The following MYO16 variants were observed in gnomAD, a reference collection of about 807,000 sequenced individuals.
The protein encoded by MYO16 is myosin XVI.
In MYO16, 94 loss-of-function variants were observed where a neutral mutation model predicts 205.3. That is an observed-to-expected ratio of 0.46 (90% CI 0.39 to 0.54). The LOEUF (loss-of-function observed/expected upper bound fraction) is 0.54, where lower values mean the gene tolerates loss of function less well. Among genes scored for constraint, MYO16 ranks in the 20% least tolerant of loss-of-function variants. The pLI is 0.00. For synonymous variants in MYO16, 988 were observed against 954.0 expected, an observed-to-expected ratio of 1.04 and a Z score of -0.66; for missense variants, 2,315 against 2,387.5, an observed-to-expected ratio of 0.97 and a Z score of 0.63.
chr13:108,714,619 T>G (rs1329661012), intron 3 of MYO16, among the ~76,000 whole-genome samples: 11 of 142,132 alleles, frequency 7.7e-5, no homozygotes, highest in East Asian at 3.1e-4. Flanking sequence ...TGTGTATATA[T>G]ATAGAGAGAG....
Position 108,736,451 on chromosome 13 carries a change from T to G in MYO16, c.507+8868T>G, listed in dbSNP as rs1475833775. On this transcript the variant is annotated intron_variant, in intron 4 of 34. Coordinates refer to ENST00000457511, the MANE Select transcript of MYO16 (RefSeq NM_001198950.3). ...TCAGGTTTGTCAAAGATCAGATGGT[T>G]GTAGATGTGTGGTGTTATTTCTGAG... 2.0e-5 allele frequency among the ~76,000 whole-genome samples: 3 copies of G among 152,178 alleles called. No individual in the cohort carries two copies. In the East Asian group the frequency reaches 5.8e-4, roughly 29 times the overall value.
chr13:109,111,161 A>C lies in MYO16; in HGVS notation c.3439-9209A>C, dbSNP rs111269925. Among the ~76,000 whole-genome samples the C allele has an allele frequency of 2.1e-3, 324 of 152,320 alleles. 2 individuals carry two copies. Among genetic ancestry groups the C allele is most frequent in the African/African-American group, 6.3e-3 (262 of 41,564 alleles). ...ATAGGTAAAGGCCTTTTCATGGCACACATGTAGAAATGTTGGGATTTTGAG... is the reference window on the plus strand; with the variant it reads ...ATAGGTAAAGGCCTTTTCATGGCACCCATGTAGAAATGTTGGGATTTTGAG... On this transcript the variant is annotated intron_variant, in intron 28 of 34. Transcript: ENST00000457511.
chr13:108,628,536 C>T (rs188319187), upstream of MYO16, among the ~76,000 whole-genome samples: 3 of 152,268 alleles, frequency 2.0e-5, no homozygotes, highest in South Asian at 4.1e-4. Context: ...TACATTGATA[C>T]TCTGGTAAGT....
chr13:108,868,317 C>T (rs1340857241), intron 12 of MYO16, among the ~76,000 whole-genome samples: 2 of 152,124 alleles, frequency 1.3e-5, no homozygotes, highest in Non-Finnish European at 2.9e-5. Context: ...GTTTACTTAT[C>T]ATTCTACTGG....
At chr13:109,156,959 C>T (rs1229913805) in intron 32 of MYO16, among the ~76,000 whole-genome samples, 1 of 152,160 alleles carries the variant, frequency 6.6e-6, no homozygotes, top group African/African-American at 2.4e-5. Flanking sequence ...CAAAAAATTG[C>T]CACTCAATTT....
chr13:108,803,127 T>G (rs945901867), intron 6 of MYO16, among the ~76,000 whole-genome samples: 8 of 152,218 alleles, frequency 5.3e-5, no homozygotes, highest in African/African-American at 1.9e-4. Flanking sequence ...AAAACCTTTC[T>G]GGATTTTACC....
chr13:108,757,149 T>G (rs1380865162), intron 4 of MYO16, among the ~76,000 whole-genome samples: 2 of 152,202 alleles, frequency 1.3e-5, no homozygotes, highest in Non-Finnish European at 2.9e-5. Flanking sequence ...AAAAGGCAAA[T>G]TCTACCTATT....
At chr13:108,668,690 TC>T (rs1249583763) in intron 2 of MYO16, among the ~76,000 whole-genome samples, 2 of 152,144 alleles carry the variant, frequency 1.3e-5, no homozygotes, top group Non-Finnish European at 2.9e-5. Flanking sequence ...TCTTTGTCCA[TC>T]CTTGTATCTG....
chr13:109,157,851 A>T (rs1878149978), intron 32 of MYO16, among the ~76,000 whole-genome samples: 1 of 152,150 alleles, frequency 6.6e-6, no homozygotes, highest in Non-Finnish European at 1.5e-5. Flanking sequence ...CTCAGGATAG[A>T]TGTAGTCCCT....
chr13:108,903,741 A>G (rs1880827619), intron 15 of MYO16, among the ~76,000 whole-genome samples: 1 of 152,218 alleles, frequency 6.6e-6, no homozygotes, highest in Admixed American at 6.6e-5. Flanking sequence ...ATGAAAGAAA[A>G]ATGAAAAAAC....
rs1354489096 is a variant in MYO16, at chr13:108,972,364, A to C, written c.2369+7462A>C. Among the ~76,000 whole-genome samples, 61 of 34,484 alleles carry C rather than the reference A, an allele frequency of 1.8e-3. 7 individuals are homozygous for C. The highest frequency in any genetic ancestry group is 4.2e-3 in the East Asian group (5 of 1,202). 22.6% of individuals were successfully genotyped at this position (34,484 alleles called of 152,430 possible). A position where few individuals can be genotyped will look rare whatever the true frequency, so the allele number is the denominator to read the frequency against. On this transcript the variant is annotated intron_variant, in intron 20 of 34. Transcript: ENST00000457511. ...TATATATATAGCCATATATATATAT[A>C]TATATATATATATATATATATATAT...
chr13:108,769,982 G>A (rs924329639), intron 4 of MYO16, among the ~76,000 whole-genome samples: 1 of 152,132 alleles, frequency 6.6e-6, no homozygotes, highest in Non-Finnish European at 1.5e-5. Flanking sequence ...GTTATTTATA[G>A]TAATGATGTA....
chr13:108,664,170 T>C (rs571323300), intron 1 of MYO16, among the ~76,000 whole-genome samples: 1 of 152,354 alleles, frequency 6.6e-6, no homozygotes, highest in South Asian at 2.1e-4. Context: ...TGAATACTTA[T>C]GAAGAGTCTT....
chr13:108,555,561 G>C, the MYO16 span, among the ~76,000 whole-genome samples: 1 of 152,184 alleles, frequency 6.6e-6, no homozygotes, highest in South Asian at 2.1e-4. Context: ...ATTAACATAA[G>C]CATTGCCTCA....
At chr13:108,931,249 T>A (rs1173259844) in intron 16 of MYO16, among the ~76,000 whole-genome samples, 1 of 152,226 alleles carries the variant, frequency 6.6e-6, no homozygotes, top group Non-Finnish European at 1.5e-5. Flanking sequence ...TTTGTGTCTA[T>A]CTCTGTCTAT....
At chr13:109,149,220 G>T (rs1877513108) in intron 32 of MYO16, among the ~76,000 whole-genome samples, 1 of 152,160 alleles carries the variant, frequency 6.6e-6, no homozygotes. Flanking sequence ...TACGTATAAT[G>T]GGAAATACTC....
intron 14 of MYO16, among the ~76,000 whole-genome samples, chr13:108,896,064 C>G (rs1402164247): frequency 6.6e-6 from 1 of 152,134 alleles, no homozygotes; most frequent in African/African-American, 2.4e-5. Context: ...TTCTCACTCC[C>G]AGGCACATGC....
At chr13:108,699,142 A>G in intron 2 of MYO16, among the ~76,000 whole-genome samples, 1 of 150,198 alleles carries the variant, frequency 6.7e-6, no homozygotes. Flanking sequence ...ATATATAGTT[A>G]TTACATATAT....
chr13:108,564,792 A>G, the MYO16 span, among the ~76,000 whole-genome samples: 2 of 152,160 alleles, frequency 1.3e-5, no homozygotes, highest in Admixed American at 1.3e-4. Context: ...GAGGTCTTAT[A>G]TTTAAGTCTT....
Sources: gnomAD v4.1 joint callset for allele counts (sites outside exome capture counted in the v4.1 genomes callset) on GRCh38, gnomAD v4.1.1 for gene constraint, MANE v1.5 for transcripts, NCBI Gene and HGNC (gene_info 2026-07-23, HGNC 2026-07-21) for gene names.